The following MAP2 variants were observed in gnomAD, a reference collection of about 807,000 sequenced individuals.
MAP2 encodes the protein microtubule associated protein 2, also known as microtubule-associated protein 2.
In MAP2, 14 loss-of-function variants were observed where a neutral mutation model predicts 137.6. The observed-to-expected ratio is 0.10, with a 90% CI of 0.07 to 0.16. MAP2 has a LOEUF of 0.16. Ranked by LOEUF, MAP2 falls within the 10% of genes least tolerant of loss-of-function variation. MAP2 has a pLI of 1.00. For synonymous variants in MAP2, 786 were observed against 782.3 expected, an observed-to-expected ratio of 1.00 and a Z score of -0.08; for missense variants, 2,088 against 2,191.5, an observed-to-expected ratio of 0.95 and a Z score of 0.94.
At chr2:209,673,648 T>C (rs2049923590) in intron 5 of MAP2, among the ~76,000 whole-genome samples, 1 of 151,850 alleles carries the variant, frequency 6.6e-6, no homozygotes, top group Admixed American at 6.6e-5. Flanking sequence ...TTTATGTTTG[T>C]TTAATATTTT....
At chr2:209,434,905 T>G (rs1574744402) in intron 1 of MAP2, among the ~76,000 whole-genome samples, 3 of 140,878 alleles carry the variant, frequency 2.1e-5, no homozygotes, top group African/African-American at 8.0e-5. Context: ...GTTATATATA[T>G]ATGTTATATA....
intron 3 of MAP2, among the ~76,000 whole-genome samples, chr2:209,602,490 T>A (rs7603837): frequency 0.049 from 7,530 of 152,222 alleles, 436 homozygotes; most frequent in South Asian, 0.23. Context: ...GAGCCTTTTG[T>A]AAACTCAATA....
chr2:209,660,271 G>C (rs1382854619), intron 5 of MAP2, among the ~76,000 whole-genome samples: 1 of 151,984 alleles, frequency 6.6e-6, no homozygotes, highest in Non-Finnish European at 1.5e-5. Flanking sequence ...CACTTTTTCA[G>C]GGAGCTCACC....
chr2:209,656,629 TA>T (rs2095166162), intron 5 of MAP2, among the ~76,000 whole-genome samples: 1 of 152,228 alleles, frequency 6.6e-6, no homozygotes, highest in Non-Finnish European at 1.5e-5. Context: ...GATTTTTTCT[TA>T]CCACTAAAGT....
intron 5 of MAP2, among the ~76,000 whole-genome samples, chr2:209,668,666 T>A (rs949686264): frequency 6.6e-6 from 1 of 152,012 alleles, no homozygotes; most frequent in African/African-American, 2.4e-5. Flanking sequence ...AAAAAGAAGA[T>A]TTGCAAAGTC....
At chr2:209,427,834 G>T (rs1428139920) in intron 1 of MAP2, among the ~76,000 whole-genome samples, 3 of 151,976 alleles carry the variant, frequency 2.0e-5, no homozygotes, top group Non-Finnish European at 4.4e-5. Context: ...GAAGGTTTGG[G>T]TGGGTGGGTA....
At chr2:209,635,796 C>T (rs2093504384) in intron 4 of MAP2, among the ~76,000 whole-genome samples, 1 of 152,230 alleles carries the variant, frequency 6.6e-6, no homozygotes, top group East Asian at 1.9e-4. Context: ...AAAGTTAAAA[C>T]GCATTTTCTC....
chr2:209,609,010 T>C (rs1317494748), intron 3 of MAP2, among the ~76,000 whole-genome samples: 1 of 152,130 alleles, frequency 6.6e-6, no homozygotes, highest in East Asian at 1.9e-4. Flanking sequence ...CCCTGACACA[T>C]ACTTTTTCTT....
intron 13 of MAP2, chr2:209,723,676 G>A: frequency 6.2e-7 from 1 of 1,613,428 alleles, no homozygotes; most frequent in Non-Finnish European, 8.5e-7. Context: ...ACATTCGGCT[G>A]GGGGCGGAAA....
chr2:209,674,181 T>A (rs527270008), intron 5 of MAP2, among the ~76,000 whole-genome samples: 1 of 152,022 alleles, frequency 6.6e-6, no homozygotes, highest in South Asian at 2.1e-4. Context: ...TATTTTCAGA[T>A]GGTTATAATA....
At chr2:209,505,432 C>A (rs2060911778) in intron 1 of MAP2, among the ~76,000 whole-genome samples, 1 of 152,128 alleles carries the variant, frequency 6.6e-6, no homozygotes, top group Admixed American at 6.6e-5. Flanking sequence ...TGGACGCTAT[C>A]ATTCTTATTT....
Position 209,695,107 on chromosome 2 carries a change from A to G in MAP2, c.2937A>G (p.Lys979=). ...CTGATTCAAAAGAACATGCCAAGAA[A>G]ACTGAAGAGGCTGGTGATGAAATAG... The part of the protein sequence containing the change: ...EHADSKEHAK[K]TEEAGDEIET... The change falls in exon 8 of 16, where the codon AAA becomes AAG. Residue 979 remains lysine (K), a synonymous_variant. Coordinates refer to ENST00000682079, the MANE Select transcript of MAP2 (RefSeq NM_001375505.1). 2.5e-6 allele frequency: 4 copies of G among 1,614,164 alleles called. No homozygotes were observed. The highest frequency in any genetic ancestry group is 3.4e-6 in the Non-Finnish European group (4 of 1,180,032).
At chr2:209,552,251 G>A (rs1394502369) in intron 2 of MAP2, among the ~76,000 whole-genome samples, 3 of 151,988 alleles carry the variant, frequency 2.0e-5, no homozygotes, top group African/African-American at 7.2e-5. Context: ...GTTATTTACT[G>A]TAAAGTTGTC....
intron 1 of MAP2, among the ~76,000 whole-genome samples, chr2:209,425,854 T>G (rs1692418296): frequency 6.6e-6 from 1 of 152,216 alleles, no homozygotes; most frequent in Non-Finnish European, 1.5e-5. Context: ...AGGGAAAAGA[T>G]TACAGCCTTC....
intron 1 of MAP2, among the ~76,000 whole-genome samples, chr2:209,477,453 A>ATT (rs376929198): frequency 9.9e-5 from 15 of 152,044 alleles, no homozygotes; most frequent in African/African-American, 3.6e-4. Context: ...TTTTCTTTCC[A>ATT]TTGCTTTAGC....
chr2:209,544,389 G>C (rs2067633791), intron 2 of MAP2, among the ~76,000 whole-genome samples: 1 of 152,118 alleles, frequency 6.6e-6, no homozygotes, highest in Non-Finnish European at 1.5e-5. Flanking sequence ...AGTGGGGAAG[G>C]AATCTTCACT....
chr2:209,683,079 C>T (rs2153693546), intron 7 of MAP2, among the ~76,000 whole-genome samples: 1 of 152,268 alleles, frequency 6.6e-6, no homozygotes, highest in South Asian at 2.1e-4. Flanking sequence ...AAGCAGAGTC[C>T]TCCCATCCAT....
At position 209,696,754 on chromosome 2, in the gene MAP2, T is replaced by C. The variant is rs758032854; in HGVS notation, c.4387+6T>C. ...TGAAGTGAGAAGGAAAAAAGGTTCA[T>C]TTAACAATCACTTCTTTAAAAATGT... is the stretch of plus-strand genomic sequence containing the variant. On this transcript the variant is annotated splice_donor_region_variant and intron_variant, in intron 9 of 15. Transcript: ENST00000682079. The C allele has an allele frequency of 6.3e-7, 1 of 1,598,110 alleles. No homozygotes were observed. The highest frequency in any genetic ancestry group is 1.4e-5 in the African/African-American group (1 of 73,760).
chr2:209,530,670 T>C (rs1224843904), intron 2 of MAP2, among the ~76,000 whole-genome samples: 1 of 152,190 alleles, frequency 6.6e-6, no homozygotes, highest in African/African-American at 2.4e-5. Context: ...AGAACAAATA[T>C]TTATGAAGTT....
Sources: gnomAD v4.1 joint callset for allele counts (sites outside exome capture counted in the v4.1 genomes callset) on GRCh38, gnomAD v4.1.1 for gene constraint, MANE v1.5 for transcripts, NCBI Gene and HGNC (gene_info 2026-07-23, HGNC 2026-07-21) for gene names.